DHX35: variants seen among roughly 807,000 people sequenced by gnomAD.
The protein encoded by DHX35 is probable ATP-dependent RNA helicase DHX35.
DHX35 carries 84 observed loss-of-function variants against 99.6 expected under a neutral mutation model. The ratio of observed to expected loss-of-function variants is 0.84; its 90% CI spans 0.71 to 1.01. The LOEUF is 1.01. DHX35 is among the 50% of genes least tolerant of loss of function. The pLI is 0.00. For missense variants in DHX35, 852 were observed against 888.5 expected, an observed-to-expected ratio of 0.96 and a Z score of 0.52; for synonymous variants, 331 against 316.2, an observed-to-expected ratio of 1.05 and a Z score of -0.50.
At chr20:39,019,042 A>G (rs1600434006) in intron 15 of DHX35, 143 bp downstream of exon 15, 5 of 721,328 alleles carry the variant, frequency 6.9e-6, no homozygotes, top group East Asian at 5.6e-5. Flanking sequence ...TATTGTTTTA[A>G]CCATTTTATG....
At chr20:39,031,190 G>A (rs1346180475) in intron 20 of DHX35, among the ~76,000 whole-genome samples, 1 of 151,984 alleles carries the variant, frequency 6.6e-6, no homozygotes, top group Non-Finnish European at 1.5e-5. Context: ...TTCTGCTCTG[G>A]CAAAGAGCTT....
chr20:38,978,254 A>G (rs191125248), intron 3 of DHX35: 15 of 797,150 alleles, frequency 1.9e-5, no homozygotes, highest in East Asian at 7.3e-5. Context: ...ACAATGTGCA[A>G]TTCATCCTTT....
intron 14 of DHX35, among the ~76,000 whole-genome samples, chr20:39,017,613 G>A (rs2086807018): frequency 6.6e-6 from 1 of 152,106 alleles, no homozygotes. Flanking sequence ...TTAAAGAGAT[G>A]TCTTACTGAG....
In DHX35 at chr20:39,038,579, C is replaced by T. The variant is rs114099416; in HGVS notation, c.*36C>T. 1.8e-3 allele frequency: 2,907 copies of T among 1,601,004 alleles called. 21 individuals are homozygous for T. The African/African-American group carries it at 0.019, about 10-fold the overall frequency. Reference sequence around the variant, plus strand: ...CAGCTACAGCTGCAGGGACTGCTGGCGTCCTCTCCTCCATGCTGCTGCCCC... The same window carrying T: ...CAGCTACAGCTGCAGGGACTGCTGGTGTCCTCTCCTCCATGCTGCTGCCCC... On this transcript the variant is annotated 3_prime_UTR_variant, in exon 22 of 22. Transcript: ENST00000252011.
At chr20:39,008,941 T>C (rs1016643576) in intron 12 of DHX35, among the ~76,000 whole-genome samples, 1 of 152,164 alleles carries the variant, frequency 6.6e-6, no homozygotes, top group African/African-American at 2.4e-5. Context: ...GGACCACTCC[T>C]TGGGACTTTT....
chr20:39,027,553 G>C (rs947229920), intron 18 of DHX35, among the ~76,000 whole-genome samples: 17 of 152,208 alleles, frequency 1.1e-4, no homozygotes. Context: ...AACATTGCTA[G>C]TAAGAATGCA....
chr20:38,971,212 G>A (rs1004651345), intron 2 of DHX35, among the ~76,000 whole-genome samples: 1 of 152,140 alleles, frequency 6.6e-6, no homozygotes, highest in Non-Finnish European at 1.5e-5. Context: ...AAATTAGCCG[G>A]GCGTGGTGGC....
intron 8 of DHX35, 134 bp from the exon 9 acceptor site, chr20:39,001,596 C>A: frequency 5.4e-6 from 3 of 557,880 alleles, no homozygotes; most frequent in South Asian, 5.8e-5. Context: ...TTTTGCAACC[C>A]ATAATCTGTA....
In DHX35 at chr20:39,010,375, G is replaced by T; in HGVS notation, c.1318G>T (p.Asp440Tyr). ...VILQLKALGI[D>Y]NVLRFHFMSP... ...CCTGCAGCTGAAAGCACTAGGAATT[G>T]ACAATGTCCTCAGGTTCCACTTCAT... is the stretch of plus-strand genomic sequence containing the variant. The change falls in exon 13 of 22, where the codon GAC becomes TAC. Residue 440 changes from aspartate to tyrosine, a missense_variant. Asp to Tyr is a radical substitution (Grantham distance 160). Transcript: ENST00000252011. The T allele has an allele frequency of 6.2e-7, 1 of 1,614,158 alleles. No individual in the cohort carries two copies. The highest frequency in any genetic ancestry group is 1.1e-5 in the South Asian group (1 of 91,078).
intron 8 of DHX35, among the ~76,000 whole-genome samples, chr20:38,997,587 G>T (rs1181140124): frequency 1.3e-5 from 2 of 152,108 alleles, no homozygotes; most frequent in African/African-American, 4.8e-5. Context: ...CCTCTGGTAA[G>T]CTGGGCCATT....
chr20:38,998,704 A>G (rs1263698797), intron 8 of DHX35, among the ~76,000 whole-genome samples: 1 of 152,122 alleles, frequency 6.6e-6, no homozygotes, highest in African/African-American at 2.4e-5. Flanking sequence ...TTGGTACTAT[A>G]TTTATTTACT....
In DHX35 at chr20:39,011,528, G is replaced by A. The variant is rs1309995080; in HGVS notation, c.1347+1124G>A. Among the ~76,000 whole-genome samples the A allele has an allele frequency of 5.3e-5, 8 of 152,160 alleles. No individual in the cohort carries two copies. In the East Asian group the frequency reaches 1.5e-3, roughly 29 times the overall value. On this transcript the variant is annotated intron_variant, in intron 13 of 21. Coordinates refer to ENST00000252011, the MANE Select transcript of DHX35 (RefSeq NM_021931.4). ...TTTTTTATATTTTTAGTAGAGACAA[G>A]GTTTTGCCTTGTTGACCAGGCTGGT...
At chr20:39,027,910 C>A (rs1164142904) in intron 18 of DHX35, among the ~76,000 whole-genome samples, 1 of 152,170 alleles carries the variant, frequency 6.6e-6, no homozygotes, top group Non-Finnish European at 1.5e-5. Flanking sequence ...AAGATGTTAG[C>A]TGTAGCAATA....
chr20:38,992,511 A>G (rs1165628411), intron 7 of DHX35, 86 bp downstream of exon 7: 1 of 1,241,854 alleles, frequency 8.1e-7, no homozygotes, highest in Non-Finnish European at 1.2e-6. Context: ...GGAAAGTACA[A>G]CAAAATACCA....
At chr20:38,969,911 G>A (rs1452117484) in intron 2 of DHX35, among the ~76,000 whole-genome samples, 3 of 152,240 alleles carry the variant, frequency 2.0e-5, no homozygotes, top group Non-Finnish European at 4.4e-5. Context: ...GAAGTACAGA[G>A]CCAAGACAGG....
chr20:38,965,755 G>A (rs2085900761), intron 1 of DHX35, among the ~76,000 whole-genome samples: 1 of 152,126 alleles, frequency 6.6e-6, no homozygotes, highest in Admixed American at 6.5e-5. Context: ...GTCTACCTTA[G>A]GAGTGTGACT....
At chr20:39,012,076 C>T (rs1351942419) in intron 13 of DHX35, among the ~76,000 whole-genome samples, 4 of 152,010 alleles carry the variant, frequency 2.6e-5, no homozygotes, top group African/African-American at 7.2e-5. Context: ...GGTGAAACCC[C>T]GTCTCTACTA....
At chr20:38,992,564 A>G in intron 7 of DHX35, 139 bp downstream of exon 7, 2 of 766,224 alleles carry the variant, frequency 2.6e-6, no homozygotes, top group Non-Finnish European at 4.4e-6. Flanking sequence ...CCATTCAGAG[A>G]ATATCAGTGG....
chr20:38,995,293 G>A (rs981799922), intron 8 of DHX35, among the ~76,000 whole-genome samples: 2 of 152,202 alleles, frequency 1.3e-5, no homozygotes, highest in African/African-American at 2.4e-5. Flanking sequence ...GGGAGGCTGA[G>A]GTGGGTGGAT....
Sources: allele counts gnomAD v4.1 joint callset (sites outside exome capture counted in the v4.1 genomes callset), GRCh38; gene constraint gnomAD v4.1.1; transcripts MANE v1.5; gene names NCBI Gene and HGNC (gene_info 2026-07-23, HGNC 2026-07-21).